Variants in AGBL4 observed in about 807,000 individuals in gnomAD.
AGBL4 encodes AGBL carboxypeptidase 4.
Under a neutral mutation model 66.4 loss-of-function variants are expected in AGBL4, and 58 were observed. That is an observed-to-expected ratio of 0.87 (90% CI 0.71 to 1.09). AGBL4 has a LOEUF of 1.09. Ranked by LOEUF, AGBL4 falls within the 50% of genes least tolerant of loss-of-function variation. The pLI, the probability that AGBL4 is intolerant of heterozygous loss-of-function variation, is 0.00. For synonymous variants in AGBL4, 234 were observed against 222.9 expected, an observed-to-expected ratio of 1.05 and a Z score of -0.44; for missense variants, 579 against 631.0, an observed-to-expected ratio of 0.92 and a Z score of 0.88.
chr1:49,208,822 T>C (rs1182300728), intron 4 of AGBL4, among the ~76,000 whole-genome samples: 1 of 151,976 alleles, frequency 6.6e-6, no homozygotes, highest in East Asian at 1.9e-4. Flanking sequence ...GGAGAGAAAA[T>C]TATTCGTGAT....
chr1:49,352,537 C>T, intron 3 of AGBL4, among the ~76,000 whole-genome samples: 1 of 152,138 alleles, frequency 6.6e-6, no homozygotes, highest in East Asian at 1.9e-4. Flanking sequence ...CCCCCTCCTT[C>T]TGGCCTTCCA....
At chr1:48,867,363 C>T in intron 5 of AGBL4, 133 bp from the exon 6 acceptor site, 1 of 891,004 alleles carries the variant, frequency 1.1e-6, no homozygotes, top group South Asian at 1.4e-5. Flanking sequence ...GTGGTACTCA[C>T]TTCCAATTCT....
intron 4 of AGBL4, among the ~76,000 whole-genome samples, chr1:49,235,777 G>C (rs1261307693): frequency 6.6e-6 from 1 of 152,100 alleles, no homozygotes; most frequent in Non-Finnish European, 1.5e-5. Context: ...ACTCTCCAGA[G>C]AGCACAGTAT....
chr1:49,583,097 T>C (rs1387967184), intron 3 of AGBL4, among the ~76,000 whole-genome samples: 1 of 152,220 alleles, frequency 6.6e-6, no homozygotes, highest in Non-Finnish European at 1.5e-5. Flanking sequence ...CCCTGGTTTC[T>C]GACCCAGAGC....
chr1:49,158,377 T>A (rs1646475959), intron 4 of AGBL4, among the ~76,000 whole-genome samples: 2 of 152,098 alleles, frequency 1.3e-5, no homozygotes, highest in African/African-American at 4.8e-5. Context: ...AAAACTATCA[T>A]TGAGTGAGTT....
intron 6 of AGBL4, among the ~76,000 whole-genome samples, chr1:48,739,327 T>G (rs1649552928): frequency 6.6e-6 from 1 of 152,234 alleles, no homozygotes; most frequent in Admixed American, 6.5e-5. Flanking sequence ...TTCAACTGTG[T>G]TTTTAGGTAA....
chr1:49,243,945 C>A (rs546226683), intron 4 of AGBL4, among the ~76,000 whole-genome samples: 16 of 151,796 alleles, frequency 1.1e-4, no homozygotes, highest in Non-Finnish European at 1.5e-4. Flanking sequence ...CTGCTGATTG[C>A]CTGCCAACAT....
At chr1:49,390,813 G>A (rs529332828) in intron 3 of AGBL4, among the ~76,000 whole-genome samples, 12 of 152,258 alleles carry the variant, frequency 7.9e-5, no homozygotes, top group African/African-American at 2.6e-4. Context: ...CAGAGACTCT[G>A]ACCATTCATT....
intron 6 of AGBL4, among the ~76,000 whole-genome samples, chr1:48,669,278 G>A (rs954850786): frequency 1.3e-5 from 2 of 152,176 alleles, no homozygotes; most frequent in Non-Finnish European, 2.9e-5. Context: ...CTGCCACATG[G>A]CTTCACCTAT....
intron 3 of AGBL4, among the ~76,000 whole-genome samples, chr1:49,283,269 C>T (rs1235669234): frequency 1.3e-5 from 2 of 152,182 alleles, no homozygotes; most frequent in Admixed American, 1.3e-4. Flanking sequence ...ACACTGACAC[C>T]TCACACGGCA....
intron 3 of AGBL4, among the ~76,000 whole-genome samples, chr1:49,298,895 T>C (rs921161751): frequency 4.6e-5 from 7 of 152,178 alleles, no homozygotes; most frequent in African/African-American, 1.7e-4. Flanking sequence ...CTCTGCAATC[T>C]AGCCACTCGT....
chr1:48,801,172 C>T (rs1269066710), intron 6 of AGBL4, among the ~76,000 whole-genome samples: 1 of 152,178 alleles, frequency 6.6e-6, no homozygotes, highest in Non-Finnish European at 1.5e-5. Context: ...CTGTGCCCCA[C>T]TAACAGCAGC....
At chr1:49,906,070 A>G (rs1337277747) in intron 1 of AGBL4, among the ~76,000 whole-genome samples, 1 of 151,548 alleles carries the variant, frequency 6.6e-6, no homozygotes, top group Admixed American at 6.6e-5. Context: ...TATTATTTCA[A>G]ATCTTGACAG....
chr1:49,979,949 T>G (rs985828541), intron 1 of AGBL4, among the ~76,000 whole-genome samples: 1 of 152,196 alleles, frequency 6.6e-6, no homozygotes, highest in African/African-American at 2.4e-5. Context: ...ACAGACAACA[T>G]AAATTTGGGG....
At chr1:48,624,728 G>T (rs369231276) in intron 9 of AGBL4, among the ~76,000 whole-genome samples, 1 of 152,236 alleles carries the variant, frequency 6.6e-6, no homozygotes, top group East Asian at 1.9e-4. Context: ...AGGGTTCACT[G>T]TGGAACAAAG....
intron 3 of AGBL4, among the ~76,000 whole-genome samples, chr1:49,582,660 A>C (rs970300378): frequency 6.6e-6 from 1 of 152,150 alleles, no homozygotes; most frequent in Admixed American, 6.5e-5. Context: ...TAGTTTCCAA[A>C]ACCATGCACC....
At chr1:49,617,838 G>A (rs781019630) in intron 3 of AGBL4, among the ~76,000 whole-genome samples, 30 of 152,190 alleles carry the variant, frequency 2.0e-4, no homozygotes, top group Middle Eastern at 3.4e-3. Flanking sequence ...CCAAGGTTTC[G>A]GTTTTGTTTT....
At chr1:49,920,984 G>T (rs148915043) in intron 1 of AGBL4, among the ~76,000 whole-genome samples, 2 of 152,096 alleles carry the variant, frequency 1.3e-5, no homozygotes, top group East Asian at 1.9e-4. Context: ...GCAAACTATC[G>T]CAAGGACAGA....
intron 1 of AGBL4, among the ~76,000 whole-genome samples, chr1:49,999,770 A>G (rs746483458): frequency 6.6e-6 from 1 of 152,192 alleles, no homozygotes; most frequent in Non-Finnish European, 1.5e-5. Flanking sequence ...ATAAATCCAT[A>G]TACATATAGC....
Sources: allele counts gnomAD v4.1 joint callset (sites outside exome capture counted in the v4.1 genomes callset), GRCh38; gene constraint gnomAD v4.1.1; transcripts MANE v1.5; gene names NCBI Gene and HGNC (gene_info 2026-07-23, HGNC 2026-07-21).